KAZN: variants seen among roughly 807,000 people sequenced by gnomAD.
KAZN encodes the protein kazrin.
Under a neutral mutation model 87.4 loss-of-function variants are expected in KAZN, and 40 were observed. The observed-to-expected ratio is 0.46, with a 90% CI of 0.36 to 0.60. The LOEUF (loss-of-function observed/expected upper bound fraction) is 0.60, where lower values mean the gene tolerates loss of function less well. KAZN is among the 20% of genes least tolerant of loss of function. The probability of loss-of-function intolerance (pLI) is 0.00; values close to 1 mark genes in which losing one functional copy is unlikely to be tolerated. For synonymous variants in KAZN, 466 were observed against 458.3 expected, an observed-to-expected ratio of 1.02 and a Z score of -0.22; for missense variants, 898 against 1,073.9, an observed-to-expected ratio of 0.84 and a Z score of 2.29.
intron 2 of KAZN, among the ~76,000 whole-genome samples, chr1:14,447,830 C>G (rs1278320102): frequency 1.3e-5 from 2 of 151,962 alleles, no homozygotes; most frequent in South Asian, 2.1e-4. Context: ...CATTTTGCAG[C>G]TAAAAAAGAA....
intron 7 of KAZN, 75 bp downstream of exon 7, chr1:15,063,697 T>C: frequency 8.2e-7 from 1 of 1,217,218 alleles, no homozygotes; most frequent in Non-Finnish European, 1.2e-6. Context: ...TCTGTTCCCC[T>C]GAGCCCACAT....
intron 2 of KAZN, among the ~76,000 whole-genome samples, chr1:14,369,748 A>G (rs912575151): frequency 2.0e-5 from 3 of 152,196 alleles, no homozygotes; most frequent in Admixed American, 1.3e-4. Flanking sequence ...AGTTATGCAA[A>G]GTAAGCCCAA....
intron 1 of KAZN, among the ~76,000 whole-genome samples, chr1:14,084,913 CAT>C (rs1364052043): frequency 6.6e-6 from 1 of 151,838 alleles, no homozygotes; most frequent in Non-Finnish European, 1.5e-5. Flanking sequence ...TATGTGTGTG[CAT>C]ATATATGTGT....
In KAZN at chr1:14,090,063, C is replaced by G. The variant is rs146655299; in HGVS notation, c.92-90372C>G. On this transcript the variant is annotated intron_variant, in intron 1 of 16. Coordinates refer to the KAZN transcript ENST00000636203. Reference sequence around the variant, plus strand: ...TAAGATTTTGTCTTTATTATCATTGCCTTTCTGTAATGTGATTATTTTGTG... The same window carrying G: ...TAAGATTTTGTCTTTATTATCATTGGCTTTCTGTAATGTGATTATTTTGTG... 6.5e-3 allele frequency among the ~76,000 whole-genome samples: 989 copies of G among 151,300 alleles called. 10 individuals are homozygous for G. The South Asian group carries it at 0.066, about 10-fold the overall frequency.
intron 1 of KAZN, among the ~76,000 whole-genome samples, chr1:14,925,738 C>T (rs907702783): frequency 6.6e-6 from 1 of 152,164 alleles, no homozygotes; most frequent in Non-Finnish European, 1.5e-5. Context: ...CACAAGGCCC[C>T]CTATTCTTGT....
chr1:15,033,603 G>A (rs1459876304), intron 2 of KAZN, among the ~76,000 whole-genome samples: 2 of 152,206 alleles, frequency 1.3e-5, no homozygotes, highest in Non-Finnish European at 2.9e-5. Flanking sequence ...TCTATTTTTA[G>A]CTATTCTAGT....
At chr1:14,089,652 C>T (rs956492547) in intron 1 of KAZN, among the ~76,000 whole-genome samples, 4 of 152,128 alleles carry the variant, frequency 2.6e-5, no homozygotes, top group Non-Finnish European at 4.4e-5. Context: ...GTTATTCATT[C>T]TTTACATAGC....
At chr1:14,210,547 T>C (rs1646833716) in intron 2 of KAZN, among the ~76,000 whole-genome samples, 1 of 152,146 alleles carries the variant, frequency 6.6e-6, no homozygotes. Flanking sequence ...TAATTAAACA[T>C]GCATATGGGC....
At position 14,614,001 on chromosome 1, in the gene KAZN, T is replaced by C. The variant is rs1678017604; in HGVS notation, c.226+14778T>C. Among the ~76,000 whole-genome samples, 4 of 152,204 alleles carry C rather than the reference T, an allele frequency of 2.6e-5. No homozygotes were observed. The South Asian group carries it at 8.3e-4, about 32-fold the overall frequency. The stretch of plus-strand genomic sequence containing the variant: ...GCAAAATTTCTGCAGAGTGACTTCC[T>C]GGTATGAATACCAGAAAGCACCAGT... On this transcript the variant is annotated intron_variant, in intron 1 of 14. Coordinates refer to ENST00000376030, the MANE Select transcript of KAZN (RefSeq NM_201628.3).
chr1:14,111,145 G>A (rs1380918582), intron 1 of KAZN, among the ~76,000 whole-genome samples: 2 of 134,354 alleles, frequency 1.5e-5, no homozygotes, highest in African/African-American at 2.9e-5. Context: ...TGCTATGCCA[G>A]ACATTAGGCA....
intron 3 of KAZN, among the ~76,000 whole-genome samples, chr1:15,039,907 G>A (rs142274241): frequency 0.015 from 2,352 of 152,216 alleles, 33 homozygotes; most frequent in Middle Eastern, 0.027. Flanking sequence ...TTTATTGATT[G>A]GCTTCATAAT....
chr1:15,041,944 G>A (rs1672971954), intron 3 of KAZN, among the ~76,000 whole-genome samples: 1 of 152,172 alleles, frequency 6.6e-6, no homozygotes, highest in South Asian at 2.1e-4. Flanking sequence ...CCTGCCTCAG[G>A]GGTGGTTGTG....
intron 2 of KAZN, among the ~76,000 whole-genome samples, chr1:14,983,766 AC>A (rs1420512393): frequency 6.6e-6 from 1 of 150,644 alleles, no homozygotes; most frequent in Non-Finnish European, 1.5e-5. Context: ...ACATGGTGAA[AC>A]CCTGTCTCTA....
At chr1:14,136,051 G>C (rs937985091) in intron 1 of KAZN, among the ~76,000 whole-genome samples, 1 of 152,066 alleles carries the variant, frequency 6.6e-6, no homozygotes, top group African/African-American at 2.4e-5. Context: ...TCTGAAGAAT[G>C]GGGGAGAGAA....
At chr1:14,826,370 G>A (rs1646885913) in intron 1 of KAZN, among the ~76,000 whole-genome samples, 1 of 152,252 alleles carries the variant, frequency 6.6e-6, no homozygotes. Context: ...GTGGATTTTT[G>A]TGTTGTAGAG....
intron 2 of KAZN, among the ~76,000 whole-genome samples, chr1:14,288,238 AG>A (rs999464804): frequency 6.6e-6 from 1 of 152,198 alleles, no homozygotes; most frequent in African/African-American, 2.4e-5. Flanking sequence ...TGATTGGAAT[AG>A]TTTCAGAAGG....
intron 8 of KAZN, among the ~76,000 whole-genome samples, chr1:15,083,502 A>C (rs961444006): frequency 1.3e-5 from 2 of 152,098 alleles, no homozygotes; most frequent in African/African-American, 4.8e-5. Context: ...ATTAGGCATG[A>C]GTGTCTCTGG....
intron 2 of KAZN, among the ~76,000 whole-genome samples, chr1:14,394,585 T>C (rs1356172596): frequency 6.6e-6 from 1 of 152,154 alleles, no homozygotes; most frequent in African/African-American, 2.4e-5. Context: ...ATAGATAGGA[T>C]CGAAGGTAGT....
chr1:14,268,517 G>A (rs1240624198), intron 2 of KAZN, among the ~76,000 whole-genome samples: 7 of 151,998 alleles, frequency 4.6e-5, no homozygotes, highest in African/African-American at 1.7e-4. Context: ...AGATTGAGAG[G>A]AAGGGGTTAA....
Sources: gnomAD v4.1 joint callset for allele counts (sites outside exome capture counted in the v4.1 genomes callset) on GRCh38, gnomAD v4.1.1 for gene constraint, MANE v1.5 for transcripts, NCBI Gene and HGNC (gene_info 2026-07-23, HGNC 2026-07-21) for gene names.